Variants in SLC24A3 observed in about 807,000 individuals in gnomAD.
SLC24A3 encodes sodium/potassium/calcium exchanger 3.
A neutral mutation model predicts 75.8 loss-of-function variants in SLC24A3; 28 were observed. The ratio of observed to expected loss-of-function variants is 0.37; its 90% CI spans 0.27 to 0.51. The LOEUF is 0.51. Ranked by LOEUF, SLC24A3 falls within the 20% of genes least tolerant of loss-of-function variation. The pLI is 0.94. For synonymous variants in SLC24A3, 372 were observed against 334.1 expected, an observed-to-expected ratio of 1.11 and a Z score of -1.24; for missense variants, 663 against 847.8, an observed-to-expected ratio of 0.78 and a Z score of 2.71.
chr20:19,680,424 C>T (rs2032600485), intron 9 of SLC24A3, among the ~76,000 whole-genome samples: 1 of 152,104 alleles, frequency 6.6e-6, no homozygotes, highest in South Asian at 2.1e-4. Context: ...CTGCCTTTCT[C>T]TGTCTGTAGT....
chr20:19,494,549 T>C (rs1188730112), intron 2 of SLC24A3, among the ~76,000 whole-genome samples: 25 of 152,188 alleles, frequency 1.6e-4, no homozygotes, highest in Admixed American at 1.6e-3. Flanking sequence ...TACTACCCCA[T>C]TTTAATGATT....
intron 1 of SLC24A3, among the ~76,000 whole-genome samples, chr20:19,243,239 G>A (rs1161027555): frequency 6.6e-6 from 1 of 152,068 alleles, no homozygotes; most frequent in African/African-American, 2.4e-5. Flanking sequence ...AAGATACTGG[G>A]GATATGAATA....
chr20:19,388,390 C>T (rs1986307752), intron 2 of SLC24A3, among the ~76,000 whole-genome samples: 1 of 152,128 alleles, frequency 6.6e-6, no homozygotes, highest in Non-Finnish European at 1.5e-5. Context: ...CAGTTTTTAA[C>T]TTAAATTCTA....
At chr20:19,405,404 A>T (rs1986625967) in intron 2 of SLC24A3, among the ~76,000 whole-genome samples, 1 of 152,204 alleles carries the variant, frequency 6.6e-6, no homozygotes, top group Non-Finnish European at 1.5e-5. Flanking sequence ...TTAGGAAAAA[A>T]GATTAGTGTT....
intron 2 of SLC24A3, among the ~76,000 whole-genome samples, chr20:19,337,409 A>C (rs1390632084): frequency 6.6e-6 from 1 of 152,086 alleles, no homozygotes; most frequent in Non-Finnish European, 1.5e-5. Flanking sequence ...ACACCATTGC[A>C]CTCCAGCCTG....
In SLC24A3 at chr20:19,645,372, A is replaced by G. The variant is rs74477340; in HGVS notation, c.613-8690A>G. 3.2e-3 allele frequency among the ~76,000 whole-genome samples: 494 copies of G among 152,312 alleles called. 10 individuals carry two copies. The East Asian group carries it at 0.069, about 21-fold the overall frequency. On this transcript the variant is annotated intron_variant, in intron 6 of 16. Coordinates refer to ENST00000328041, the MANE Select transcript of SLC24A3 (RefSeq NM_020689.4). ...TTCAGCATTGTTGATGCTAATTAAT[A>G]TAATTATTTTAGATCAGGGATCACA...
At chr20:19,287,344 T>C (rs545885877) in intron 2 of SLC24A3, among the ~76,000 whole-genome samples, 3 of 152,342 alleles carry the variant, frequency 2.0e-5, no homozygotes, top group South Asian at 2.1e-4. Context: ...TCACATTCCA[T>C]TGGCGGAGCT....
At chr20:19,502,800 G>A (rs1230917651) in intron 2 of SLC24A3, among the ~76,000 whole-genome samples, 2 of 150,602 alleles carry the variant, frequency 1.3e-5, no homozygotes, top group African/African-American at 4.9e-5. Flanking sequence ...GGAGGCCAAG[G>A]TGGGAGGATA....
At chr20:19,371,147 A>T (rs558634143) in intron 2 of SLC24A3, among the ~76,000 whole-genome samples, 2 of 152,242 alleles carry the variant, frequency 1.3e-5, no homozygotes, top group African/African-American at 4.8e-5. Context: ...TTTGTCCTCC[A>T]TGGGATTCTG....
At chr20:19,557,850 G>T (rs952173713) in intron 3 of SLC24A3, among the ~76,000 whole-genome samples, 1 of 152,118 alleles carries the variant, frequency 6.6e-6, no homozygotes, top group Non-Finnish European at 1.5e-5. Flanking sequence ...GTTTCTGAAA[G>T]TTAGACCTAA....
Position 19,377,333 on chromosome 20 carries a change from G to A in SLC24A3, c.271+96246G>A, listed in dbSNP as rs563999851. Among the ~76,000 whole-genome samples, 13 of 152,306 alleles carry A rather than the reference G, an allele frequency of 8.5e-5. No individual in the cohort carries two copies. The South Asian group carries it at 1.0e-3, about 12-fold the overall frequency. On this transcript the variant is annotated intron_variant, in intron 2 of 16. Coordinates refer to ENST00000328041, the MANE Select transcript of SLC24A3 (RefSeq NM_020689.4). ...TGAAGATGGAAGGATAAATGGTGGC[G>A]TGTTCAGACAATGGAATAGAGCACA...
chr20:19,499,768 G>C (rs950456222), intron 2 of SLC24A3, among the ~76,000 whole-genome samples: 1 of 152,104 alleles, frequency 6.6e-6, no homozygotes, highest in Non-Finnish European at 1.5e-5. Context: ...TTGTACATAT[G>C]CACACACACA....
intron 2 of SLC24A3, among the ~76,000 whole-genome samples, chr20:19,439,831 G>A (rs1272371408): frequency 2.0e-5 from 3 of 152,140 alleles, no homozygotes; most frequent in East Asian, 1.9e-4. Context: ...CCGTGTAGAC[G>A]TTGTTAACTC....
intron 3 of SLC24A3, among the ~76,000 whole-genome samples, chr20:19,547,711 T>C (rs139988679): frequency 6.6e-6 from 1 of 152,146 alleles, no homozygotes; most frequent in Non-Finnish European, 1.5e-5. Context: ...TCTCCCACCC[T>C]CCCCTTGCCC....
intron 15 of SLC24A3, among the ~76,000 whole-genome samples, chr20:19,709,174 G>C (rs2032963133): frequency 6.6e-6 from 1 of 152,178 alleles, no homozygotes; most frequent in African/African-American, 2.4e-5. Flanking sequence ...GAGGGGCAAG[G>C]GAGCTGGGGG....
chr20:19,268,424 T>C (rs1472550685), intron 1 of SLC24A3, among the ~76,000 whole-genome samples: 4 of 152,242 alleles, frequency 2.6e-5, no homozygotes, highest in African/African-American at 4.8e-5. Context: ...TGGGGGACCC[T>C]ACCAGCTTTT....
chr20:19,466,882 A>C (rs1241059153), intron 2 of SLC24A3, among the ~76,000 whole-genome samples: 1 of 152,224 alleles, frequency 6.6e-6, no homozygotes, highest in Admixed American at 6.5e-5. Context: ...ATTTAAAAAT[A>C]TGATCTGGAT....
At chr20:19,226,119 T>A (rs1000940707) in intron 1 of SLC24A3, among the ~76,000 whole-genome samples, 8 of 152,198 alleles carry the variant, frequency 5.3e-5, no homozygotes, top group Admixed American at 2.6e-4. Flanking sequence ...TCTGAGAGTT[T>A]TTATCAAGGG....
chr20:19,378,660 C>T (rs1405653537), intron 2 of SLC24A3, among the ~76,000 whole-genome samples: 1 of 152,142 alleles, frequency 6.6e-6, no homozygotes, highest in African/African-American at 2.4e-5. Context: ...GATGAATGCA[C>T]GTGATCAAGC....
Sources: gnomAD v4.1 joint callset for allele counts (sites outside exome capture counted in the v4.1 genomes callset) on GRCh38, gnomAD v4.1.1 for gene constraint, MANE v1.5 for transcripts, NCBI Gene and HGNC (gene_info 2026-07-23, HGNC 2026-07-21) for gene names.